Variants in BRD8 observed in about 807,000 individuals in gnomAD.
BRD8 encodes the protein bromodomain-containing protein 8.
A neutral mutation model predicts 143.1 loss-of-function variants in BRD8; 67 were observed. The observed-to-expected ratio is 0.47, with a 90% CI of 0.38 to 0.57. The LOEUF is 0.57. Ranked by LOEUF, BRD8 falls within the 20% of genes least tolerant of loss-of-function variation. BRD8 has a pLI of 0.00. For synonymous variants in BRD8, 505 were observed against 517.1 expected, an observed-to-expected ratio of 0.98 and a Z score of 0.32; for missense variants, 1,103 against 1,503.0, an observed-to-expected ratio of 0.73 and a Z score of 4.40.
intron 9 of BRD8, among the ~76,000 whole-genome samples, chr5:138,167,303 A>C (rs1411939835): frequency 6.6e-6 from 1 of 151,866 alleles, no homozygotes; most frequent in Non-Finnish European, 1.5e-5. Context: ...AAGGGTGGTA[A>C]TTTTTCCTCA....
chr5:138,147,651 T>C (rs2151182878), intron 23 of BRD8, among the ~76,000 whole-genome samples: 1 of 152,274 alleles, frequency 6.6e-6, no homozygotes, highest in South Asian at 2.1e-4. Flanking sequence ...AGTAATTCAC[T>C]TCATGCCAGA....
intron 20 of BRD8, chr5:138,157,126 T>G: frequency 6.3e-7 from 1 of 1,597,872 alleles, no homozygotes; most frequent in Non-Finnish European, 8.5e-7. Flanking sequence ...AACTTCCACC[T>G]CTGGAACTGG....
intron 9 of BRD8, 30 bp downstream of exon 9, chr5:138,167,904 G>A (rs1290963158): frequency 6.2e-7 from 1 of 1,603,258 alleles, no homozygotes; most frequent in Admixed American, 1.7e-5. Context: ...CAACACCTTT[G>A]AGGTTGATAA....
chr5:138,157,360 G>T (rs1752671043), intron 20 of BRD8: 9 of 1,515,602 alleles, frequency 5.9e-6, no homozygotes, highest in African/African-American at 1.4e-5. Context: ...TTTCTTGGGG[G>T]AGAGGGAAGA....
intron 25 of BRD8, among the ~76,000 whole-genome samples, chr5:138,144,619 C>G (rs1430501606): frequency 6.6e-6 from 1 of 152,054 alleles, no homozygotes; most frequent in Non-Finnish European, 1.5e-5. Flanking sequence ...AATTAATGAT[C>G]AGGCTGGACA....
rs1561613214 is a variant in BRD8 at position 138,165,993 on chromosome 5, A to G, written c.1113T>C (p.Cys371=). Residue 371 remains cysteine, a synonymous_variant, in exon 11 of 27, where the codon TGT becomes TGC. Transcript: ENST00000254900. ...GAGCCTCTGCTACCCCTGATCGAAA[A>G]CACTCTTCTTTGATAGAATTGATGA... ...SMIINSIKEE[C]FRSGVAEAPV... 6.2e-7 allele frequency: 1 copy of G among 1,614,188 alleles called. No individual in the cohort carries two copies. The highest frequency in any genetic ancestry group is 2.2e-5 in the East Asian group (1 of 44,892).
chr5:138,143,309 A>T (rs1422130358), intron 25 of BRD8, among the ~76,000 whole-genome samples: 3 of 152,172 alleles, frequency 2.0e-5, no homozygotes, highest in Admixed American at 6.5e-5. Context: ...GTAAAAATTT[A>T]AAAAATAATA....
intron 22 of BRD8, among the ~76,000 whole-genome samples, chr5:138,150,057 T>G (rs1040318036): frequency 5.7e-4 from 86 of 152,150 alleles, no homozygotes; most frequent in African/African-American, 2.0e-3. Flanking sequence ...TCTCATTGGA[T>G]TCTTTAAAAA....
chr5:138,164,345 C>A lies in BRD8; in HGVS notation c.1800G>T (p.Glu600Asp). ...SNPIEDPLEA[E>D]TQHKFEMSDS... ...CTGACATTTCAAACTTGTGCTGAGT[C>A]TCTGCCTCTAAAGGATCTTCAATGG... Residue 600 changes from glutamate to aspartate, a missense_variant, in exon 13 of 27, where the codon GAG (glutamate) becomes GAT (aspartate). Physicochemically the swap from Glu to Asp is conservative, Grantham distance 45. Coordinates refer to ENST00000254900, the MANE Select transcript of BRD8 (RefSeq NM_139199.2). 1.2e-6 allele frequency: 2 copies of A among 1,614,130 alleles called. No individual in the cohort carries two copies. The highest frequency in any genetic ancestry group is 1.1e-5 in the South Asian group (1 of 91,076).
intron 5 of BRD8, 56 bp from the exon 6 acceptor site, chr5:138,170,968 G>T: frequency 2.5e-6 from 4 of 1,612,302 alleles, no homozygotes; most frequent in Non-Finnish European, 3.4e-6. Flanking sequence ...TATTTTAAAA[G>T]TTCTGACCAG....
rs1321421000 is a variant in BRD8, at chr5:138,150,827, A to G, written c.3038T>C (p.Leu1013Pro). 1.2e-6 allele frequency: 2 copies of G among 1,614,222 alleles called. No individual in the cohort carries two copies. Among genetic ancestry groups the G allele is most frequent in the South Asian group, 2.2e-5 (2 of 91,088 alleles). ...CACCTCTGGCTTTCCATTTTCTCCC[A>G]GTGGCTTTTCAGCTACTAAGGGGTC... ...KGDPLVAEKP[L>P]GENGKPEVAS... is the part of the protein sequence containing the mutation. Residue 1013 changes from leucine to proline, a missense_variant, in exon 22 of 27, where the codon CTG (leucine) becomes CCG (proline). Leu to Pro is a moderately conservative substitution (Grantham distance 98). Around this residue, in one of 7 missense-constraint regions of BRD8, gnomAD observed 369 missense variants for 445.5 expected, o/e 0.83. Coordinates refer to ENST00000254900, the MANE Select transcript of BRD8 (RefSeq NM_139199.2).
intron 23 of BRD8, 59 bp downstream of exon 23, chr5:138,149,581 C>G: frequency 7.3e-7 from 1 of 1,376,970 alleles, no homozygotes; most frequent in Non-Finnish European, 9.6e-7. Context: ...TTTCATGATT[C>G]AAATAGGCAT....
intron 2 of BRD8, among the ~76,000 whole-genome samples, chr5:138,176,594 A>C (rs1754354816): frequency 6.6e-6 from 1 of 152,110 alleles, no homozygotes; most frequent in Non-Finnish European, 1.5e-5. Context: ...TAATTAATAG[A>C]AAGTAGATGA....
At chr5:138,166,400 C>A (rs1290724229) in intron 10 of BRD8, 118 bp downstream of exon 10, 9 of 665,450 alleles carry the variant, frequency 1.4e-5, no homozygotes, top group South Asian at 2.0e-5. Flanking sequence ...ATAAAGATGG[C>A]ACATGTCTAT....
chr5:138,159,004 T>G (rs541661186), intron 20 of BRD8, among the ~76,000 whole-genome samples: 4 of 151,998 alleles, frequency 2.6e-5, no homozygotes, highest in African/African-American at 9.6e-5. Context: ...TTGCCCAGGC[T>G]GGTCTCAAAC....
At position 138,169,230 on chromosome 5, in the gene BRD8, T is replaced by G. The variant is rs1267357399; in HGVS notation, c.634A>C (p.Thr212Pro). 1 of 1,613,708 alleles carries G rather than the reference T, an allele frequency of 6.2e-7. No homozygotes were observed. Among genetic ancestry groups the G allele is most frequent in the African/African-American group, 1.3e-5 (1 of 74,896 alleles). ...GATGGAAATATACTCACCCCAGAGGTAGCCTCTTCCATAGTGGTTGGAGTC... is the reference window on the plus strand; with the variant it reads ...GATGGAAATATACTCACCCCAGAGGGAGCCTCTTCCATAGTGGTTGGAGTC... ...DLTPTTMEEA[T>P]SGVNESEMAV... Residue 212 changes from threonine (T) to proline (P), a missense_variant, in exon 8 of 27, where the codon ACC (threonine) becomes CCC (proline). Thr to Pro is a conservative substitution (Grantham distance 38, BLOSUM62 -1). Transcript: ENST00000254900.
intron 9 of BRD8, chr5:138,167,561 C>T (rs1387121485): frequency 5.0e-6 from 1 of 201,296 alleles, no homozygotes; most frequent in Non-Finnish European, 1.0e-5. Flanking sequence ...AGCTAAGTTA[C>T]CTATCCAAGG....
Position 138,171,128 on chromosome 5 carries a change from TCCA to T in BRD8, c.266_268del (p.Val89del), listed in dbSNP as rs1753831664. 2 of 1,613,540 alleles carry T rather than the reference TCCA, an allele frequency of 1.2e-6. No homozygotes were observed. The highest frequency in any genetic ancestry group is 1.7e-6 in the Non-Finnish European group (2 of 1,179,774). On this transcript the variant is annotated inframe_deletion, in exon 5 of 27. Coordinates refer to ENST00000254900, the MANE Select transcript of BRD8 (RefSeq NM_139199.2). The stretch of plus-strand genomic sequence containing the variant: ...CCGAACAATAACATCTTCAACAGTT[TCCA>T]CCACTTCTCCCTTTTCACCTCGTTT...
At chr5:138,172,890 T>C (rs1182193067) in intron 2 of BRD8, 2 of 205,130 alleles carry the variant, frequency 9.7e-6, no homozygotes, top group Non-Finnish European at 2.1e-5. Flanking sequence ...ATATATAGTA[T>C]ATAATCATTT....
Sources: allele counts gnomAD v4.1 joint callset (sites outside exome capture counted in the v4.1 genomes callset), GRCh38; gene constraint gnomAD v4.1.1; regional missense constraint gnomAD v4.1.1; transcripts MANE v1.5; gene names NCBI Gene and HGNC (gene_info 2026-07-23, HGNC 2026-07-21).